Variants in SFMBT2 observed in about 807,000 individuals in gnomAD.
SFMBT2 encodes the protein scm-like with four MBT domains protein 2.
Under a neutral mutation model 110.1 loss-of-function variants are expected in SFMBT2, and 38 were observed. The ratio of observed to expected loss-of-function variants is 0.35; its 90% confidence interval spans 0.27 to 0.45. The LOEUF (loss-of-function observed/expected upper bound fraction) is 0.45, where lower values mean the gene tolerates loss of function less well. Among genes scored for constraint, SFMBT2 ranks in the 20% least tolerant of loss-of-function variants. The probability of loss-of-function intolerance (pLI) is 1.00; values close to 1 mark genes in which losing one functional copy is unlikely to be tolerated. For missense variants in SFMBT2, 1,011 were observed against 1,094.9 expected (o/e 0.92, Z 1.08); for synonymous variants, 425 against 425.4 (o/e 1.00, Z 0.01).
chr10:7,164,805 C>T (rs1351527277), intron 20 of SFMBT2, among the ~76,000 whole-genome samples: 1 of 151,486 alleles, frequency 6.6e-6, no homozygotes, highest in Non-Finnish European at 1.5e-5. Context: ...TTTACAGACA[C>T]ACACTCCCCA....
intron 7 of SFMBT2, among the ~76,000 whole-genome samples, chr10:7,250,336 G>C (rs1840763318): frequency 6.6e-6 from 1 of 152,146 alleles, no homozygotes; most frequent in African/African-American, 2.4e-5. Flanking sequence ...GAGAACATGA[G>C]GTATTTGGCT....
chr10:7,315,105 A>AAAGG (rs1842971279), intron 4 of SFMBT2, among the ~76,000 whole-genome samples: 2 of 141,890 alleles, frequency 1.4e-5, no homozygotes, highest in African/African-American at 5.1e-5. Flanking sequence ...AGAAAGAAAG[A>AAAGG]AAGAAAAAGC....
intron 11 of SFMBT2, among the ~76,000 whole-genome samples, chr10:7,213,573 C>T (rs1262580510): frequency 1.3e-5 from 2 of 152,182 alleles, no homozygotes; most frequent in East Asian, 1.9e-4. Flanking sequence ...AGGACGTTCA[C>T]GGAGAAGAGC....
intron 4 of SFMBT2, among the ~76,000 whole-genome samples, chr10:7,336,909 G>T (rs934624218): frequency 6.6e-6 from 1 of 152,104 alleles, no homozygotes; most frequent in Non-Finnish European, 1.5e-5. Context: ...GAGACAGAGG[G>T]TATTCAATGA....
At chr10:7,300,421 G>C (rs1842526212) in intron 4 of SFMBT2, among the ~76,000 whole-genome samples, 1 of 152,084 alleles carries the variant, frequency 6.6e-6, no homozygotes, top group Admixed American at 6.5e-5. Context: ...CATTTCATGG[G>C]GCTGAGTCGT....
chr10:7,311,111 G>T (rs989412734), intron 4 of SFMBT2, among the ~76,000 whole-genome samples: 3 of 145,256 alleles, frequency 2.1e-5, no homozygotes, highest in African/African-American at 5.0e-5. Flanking sequence ...GTCAGCCAGG[G>T]TTACAATTAC....
chr10:7,274,444 G>A (rs1055139824), intron 7 of SFMBT2, among the ~76,000 whole-genome samples: 21 of 152,058 alleles, frequency 1.4e-4, no homozygotes, highest in Admixed American at 7.9e-4. Flanking sequence ...TCATGCAGGC[G>A]GTTTCTCCCA....
chr10:7,228,184 C>T (rs1295217399), intron 9 of SFMBT2, among the ~76,000 whole-genome samples: 1 of 152,132 alleles, frequency 6.6e-6, no homozygotes, highest in Non-Finnish European at 1.5e-5. Flanking sequence ...TTACCCATGG[C>T]GGCACCAGCC....
At chr10:7,274,205 G>A (rs1444619694) in intron 7 of SFMBT2, among the ~76,000 whole-genome samples, 1 of 152,176 alleles carries the variant, frequency 6.6e-6, no homozygotes, top group Non-Finnish European at 1.5e-5. Flanking sequence ...TTAGCTCACA[G>A]ACCAGGTGCA....
chr10:7,286,056 A>G, intron 4 of SFMBT2, 102 bp from the exon 5 acceptor site: 1 of 687,070 alleles, frequency 1.5e-6, no homozygotes, highest in Non-Finnish European at 2.6e-6. Context: ...AGTTTTCTCC[A>G]TGTAGGTTTG....
chr10:7,331,643 G>T (rs1270936984), intron 4 of SFMBT2, among the ~76,000 whole-genome samples: 2 of 152,062 alleles, frequency 1.3e-5, no homozygotes, highest in Non-Finnish European at 2.9e-5. Context: ...CCAACACTGA[G>T]AACTTGCAAG....
Position 7,160,873 on chromosome 10 carries a change from C to G in SFMBT2, c.*2897G>C, listed in dbSNP as rs1245786896. 6.6e-6 allele frequency: 1 copy of G among 152,296 alleles called. No homozygotes were observed. The highest frequency in any genetic ancestry group is 1.5e-5 in the Non-Finnish European group (1 of 68,088). 9.4% of individuals were successfully genotyped at this position (152,296 alleles called of 1,614,324 possible). ...CGGAGAATCCAGGCTCAGAAGGACACTGGCAACAGCTGGAGGAAAAGCACC... is the reference window on the plus strand; with the variant it reads ...CGGAGAATCCAGGCTCAGAAGGACAGTGGCAACAGCTGGAGGAAAAGCACC... On this transcript the variant is annotated 3_prime_UTR_variant, in exon 21 of 21. Transcript: ENST00000397167.
In SFMBT2 at chr10:7,293,244, ACGCC is replaced by A. The variant is rs1842314192; in HGVS notation, c.437-7294_437-7291del. Among the ~76,000 whole-genome samples, 2 of 151,938 alleles carry A rather than the reference ACGCC, an allele frequency of 1.3e-5. No individual in the cohort carries two copies. Among genetic ancestry groups the A allele is most frequent in the Non-Finnish European group, 2.9e-5 (2 of 67,988 alleles). On this transcript the variant is annotated intron_variant, in intron 4 of 20. Transcript: ENST00000397167. The surrounding 1 kb of genome is among the most constrained non-coding windows in gnomAD (Gnocchi z 4.6). The stretch of plus-strand genomic sequence containing the variant: ...TTCCCGAGTAGCTGGGACTACAGGC[ACGCC>A]CTACCACATCCAGCTAATTTTTGTA...
intron 1 of SFMBT2, among the ~76,000 whole-genome samples, chr10:7,409,863 T>G (rs1386560123): frequency 6.6e-6 from 1 of 151,782 alleles, no homozygotes; most frequent in African/African-American, 2.4e-5. Context: ...GTTGTGGCGC[T>G]TCCAAGAAAA....
chr10:7,394,364 C>T (rs1845862641), intron 1 of SFMBT2, among the ~76,000 whole-genome samples: 1 of 151,804 alleles, frequency 6.6e-6, no homozygotes, highest in Non-Finnish European at 1.5e-5. Context: ...GCCCTTCTCC[C>T]GCGTCCCCAT....
intron 7 of SFMBT2, among the ~76,000 whole-genome samples, chr10:7,264,928 A>T (rs912122403): frequency 1.4e-5 from 2 of 142,192 alleles, no homozygotes; most frequent in African/African-American, 5.9e-5. Flanking sequence ...CGGACATTTT[A>T]AAAAAGAGGA....
chr10:7,362,933 T>C (rs1464174548), intron 4 of SFMBT2, among the ~76,000 whole-genome samples: 1 of 152,250 alleles, frequency 6.6e-6, no homozygotes, highest in East Asian at 1.9e-4. Flanking sequence ...CCATTCCTCG[T>C]GCATTATATA....
intron 1 of SFMBT2, among the ~76,000 whole-genome samples, chr10:7,409,995 T>C (rs1239894120): frequency 6.6e-6 from 1 of 150,958 alleles, no homozygotes; most frequent in African/African-American, 2.4e-5. Flanking sequence ...AATCAATAAA[T>C]ACATCTCGCA....
intron 1 of SFMBT2, among the ~76,000 whole-genome samples, chr10:7,384,350 C>T (rs1310457671): frequency 6.6e-6 from 1 of 151,636 alleles, no homozygotes; most frequent in East Asian, 1.9e-4. Context: ...CAATCTTAAC[C>T]GTGGCCCTCT....
Sources: allele counts gnomAD v4.1 joint callset (sites outside exome capture counted in the v4.1 genomes callset), GRCh38; gene constraint gnomAD v4.1.1; non-coding constraint Gnocchi (gnomAD v3.1); transcripts MANE v1.5; gene names NCBI Gene and HGNC (gene_info 2026-07-23, HGNC 2026-07-21).